Variants in PRTG observed in about 807,000 individuals in gnomAD.
PRTG encodes protogenin.
In PRTG, 67 loss-of-function variants were observed where a neutral mutation model predicts 122.5. The ratio of observed to expected loss-of-function variants is 0.55; its 90% CI spans 0.45 to 0.67. The LOEUF (loss-of-function observed/expected upper bound fraction) is 0.67, where lower values mean the gene tolerates loss of function less well. PRTG is among the 30% of genes least tolerant of loss of function. The pLI, the probability that PRTG is intolerant of heterozygous loss-of-function variation, is 0.00. For missense variants in PRTG, 1,435 were observed against 1,415.4 expected (o/e 1.01, Z -0.22); for synonymous variants, 554 against 501.1 (o/e 1.11, Z -1.41).
At chr15:55,735,815 G>T (rs11630141) in intron 2 of PRTG, among the ~76,000 whole-genome samples, 76,450 of 151,106 alleles carry the variant, frequency 0.51, 20,324 homozygotes, top group Non-Finnish European at 0.61. Context: ...ACTAATCTAG[G>T]GCAAAGTGAG....
chr15:55,722,765 A>C (rs745357471), intron 2 of PRTG, among the ~76,000 whole-genome samples: 2 of 67,546 alleles, frequency 3.0e-5, no homozygotes, highest in Non-Finnish European at 5.9e-5. Context: ...CATACTTAAA[A>C]CACCACCACT....
chr15:55,703,384 T>C (rs901546736), intron 2 of PRTG, among the ~76,000 whole-genome samples: 4 of 152,174 alleles, frequency 2.6e-5, no homozygotes, highest in African/African-American at 9.7e-5. Flanking sequence ...TTGGCTCATG[T>C]TCTGCTGGAC....
At chr15:55,708,740 C>G (rs1355337167) in intron 2 of PRTG, among the ~76,000 whole-genome samples, 1 of 152,148 alleles carries the variant, frequency 6.6e-6, no homozygotes, top group Admixed American at 6.5e-5. Context: ...GCTGACTATA[C>G]TACTAAACAG....
chr15:55,676,533 TTTTCCCACA>T (rs1337023598), intron 8 of PRTG, among the ~76,000 whole-genome samples: 1 of 152,148 alleles, frequency 6.6e-6, no homozygotes, highest in Non-Finnish European at 1.5e-5. Context: ...CAGTATTAAG[TTTTCCCACA>T]TTTCTGAATT....
At chr15:55,667,474 C>A (rs1001242284) in intron 11 of PRTG, among the ~76,000 whole-genome samples, 4 of 151,898 alleles carry the variant, frequency 2.6e-5, no homozygotes, top group African/African-American at 9.7e-5. Flanking sequence ...TCATATTTGG[C>A]ATTTTAAGAT....
At chr15:55,697,218 T>G (rs1273364423) in intron 2 of PRTG, among the ~76,000 whole-genome samples, 1 of 152,198 alleles carries the variant, frequency 6.6e-6, no homozygotes, top group African/African-American at 2.4e-5. Flanking sequence ...CATTAGTAAC[T>G]GGTTTTAACC....
chr15:55,723,552 T>G (rs1243573736), intron 2 of PRTG, among the ~76,000 whole-genome samples: 2 of 151,852 alleles, frequency 1.3e-5, no homozygotes, highest in Admixed American at 1.3e-4. Context: ...CTGAATTTGA[T>G]GAAAGAAATA....
At position 55,637,210 on chromosome 15, in the gene PRTG, C is replaced by A. The variant is rs1272415781; in HGVS notation, c.2583G>T (p.Lys861Asn). 1.9e-6 allele frequency: 3 copies of A among 1,610,334 alleles called. No individual in the cohort carries two copies. The highest frequency in any genetic ancestry group is 2.5e-6 in the Non-Finnish European group (3 of 1,178,592). Residue 861 changes from lysine to asparagine, a missense_variant, in exon 15 of 20, where the codon AAG (lysine) becomes AAT (asparagine). Transcript: ENST00000389286. ...TRYTILYASR[K>N]AWIAGEWQVL... is the part of the protein sequence containing the mutation. The stretch of plus-strand genomic sequence containing the variant: ...CCTGCCACTCTCCTGCAATCCAGGC[C>A]TTCCTAGATGCATATAAGATAGTAT...
chr15:55,701,704 G>A (rs2059664944), intron 2 of PRTG, among the ~76,000 whole-genome samples: 1 of 152,154 alleles, frequency 6.6e-6, no homozygotes. Context: ...GGTAGTGAAT[G>A]AATAAACTGT....
At chr15:55,634,461 C>T (rs1018926132) in intron 15 of PRTG, among the ~76,000 whole-genome samples, 1 of 152,148 alleles carries the variant, frequency 6.6e-6, no homozygotes, top group Non-Finnish European at 1.5e-5. Context: ...TACAACACCT[C>T]ATTAAATCAG....
intron 11 of PRTG, among the ~76,000 whole-genome samples, chr15:55,651,343 C>T (rs752604061): frequency 2.6e-5 from 4 of 151,986 alleles, no homozygotes; most frequent in South Asian, 2.1e-4. Context: ...GATATATAAA[C>T]ATTAGGTAGT....
rs141656871 is a variant in PRTG, at chr15:55,678,059, A to G, written c.1134-15T>C. On this transcript the variant is annotated splice_polypyrimidine_tract_variant and intron_variant, in intron 7 of 19. Coordinates refer to ENST00000389286, the MANE Select transcript of PRTG (RefSeq NM_173814.6). ...TTACCAATTTACTAGGGAAAGAAAA[A>G]AAATTATTTCCATGAAAAATTCTAA... 9.8e-5 allele frequency: 147 copies of G among 1,499,736 alleles called. 1 individual carries two copies. The African/African-American group carries it at 1.7e-3, about 17-fold the overall frequency. The allele number at this position is 1,499,736 out of a possible 1,614,324, so 92.9% of individuals were successfully genotyped here. A position where few individuals can be genotyped will look rare whatever the true frequency, so the allele number is the denominator to read the frequency against.
chr15:55,656,651 G>A (rs2059381871), intron 11 of PRTG, among the ~76,000 whole-genome samples: 1 of 152,094 alleles, frequency 6.6e-6, no homozygotes, highest in African/African-American at 2.4e-5. Context: ...GGGACTACAG[G>A]CTCCCGCCAC....
chr15:55,738,327 C>G lies in PRTG; in HGVS notation c.397+2055G>C, dbSNP rs1260123866. The G allele has an allele frequency of 9.0e-6, 5 of 553,188 alleles. No homozygotes were observed. In the East Asian group the frequency reaches 1.4e-4, roughly 16 times the overall value. 34.3% of individuals were successfully genotyped at this position (553,188 alleles called of 1,614,324 possible). On this transcript the variant is annotated intron_variant, in intron 2 of 19. Transcript: ENST00000389286. ...TTTGTTTGTTACACCTATCACACAC[C>G]ATTCACATTTTATTTATGAAGTTAG...
chr15:55,625,035 C>T (rs1174144937), intron 17 of PRTG, among the ~76,000 whole-genome samples: 1 of 152,134 alleles, frequency 6.6e-6, no homozygotes, highest in Non-Finnish European at 1.5e-5. Context: ...TAGTATGTTT[C>T]CATGTAGAGC....
chr15:55,638,517 A>G, intron 14 of PRTG, 32 bp downstream of exon 14: 1 of 1,537,444 alleles, frequency 6.5e-7, no homozygotes, highest in African/African-American at 1.4e-5. Context: ...TTTTTTTTAA[A>G]GATAAAATCT....
At chr15:55,693,765 C>T (rs545804130) in intron 2 of PRTG, among the ~76,000 whole-genome samples, 1 of 152,226 alleles carries the variant, frequency 6.6e-6, no homozygotes, top group Admixed American at 6.5e-5. Context: ...TATACATATA[C>T]ATATGTGTAC....
At chr15:55,637,434 A>C in intron 14 of PRTG, 94 bp from the exon 15 acceptor site, 1 of 1,028,284 alleles carries the variant, frequency 9.7e-7, no homozygotes, top group East Asian at 2.6e-5. Flanking sequence ...AAGTTCAAAA[A>C]ATTAGAAACC....
intron 2 of PRTG, among the ~76,000 whole-genome samples, chr15:55,723,537 A>G (rs2030907394): frequency 6.6e-6 from 1 of 151,978 alleles, no homozygotes; most frequent in South Asian, 2.1e-4. Context: ...ATGGCTGAAA[A>G]TTTTCTGAAT....
Sources: allele counts gnomAD v4.1 joint callset (sites outside exome capture counted in the v4.1 genomes callset), GRCh38; gene constraint gnomAD v4.1.1; transcripts MANE v1.5; gene names NCBI Gene and HGNC (gene_info 2026-07-23, HGNC 2026-07-21).